Variants in LRP1B observed in about 807,000 individuals in gnomAD.
The protein encoded by LRP1B is LDL receptor related protein 1B.
LRP1B carries 217 observed loss-of-function variants against 556.6 expected under a neutral mutation model. The observed-to-expected ratio is 0.39, with a 90% CI of 0.35 to 0.44. The LOEUF (loss-of-function observed/expected upper bound fraction) is 0.44. Ranked by LOEUF, LRP1B falls within the 20% of genes least tolerant of loss-of-function variation. LRP1B has a pLI of 1.00. For synonymous variants in LRP1B, 2,047 were observed against 1,865.8 expected, an observed-to-expected ratio of 1.10 and a Z score of -2.50; for missense variants, 5,053 against 5,620.8, an observed-to-expected ratio of 0.90 and a Z score of 3.23.
At chr2:141,008,024 A>AT (rs1697628792) in intron 14 of LRP1B, among the ~76,000 whole-genome samples, 1 of 151,428 alleles carries the variant, frequency 6.6e-6, no homozygotes, top group Non-Finnish European at 1.5e-5. Flanking sequence ...GACCCAACGT[A>AT]TTTTTGAATT....
intron 43 of LRP1B, among the ~76,000 whole-genome samples, chr2:140,565,990 T>C (rs1681111348): frequency 6.6e-6 from 1 of 152,192 alleles, no homozygotes; most frequent in African/African-American, 2.4e-5. Flanking sequence ...ACGGCTATGC[T>C]TCCCCCAGAG....
rs184558510 is a variant in LRP1B at position 141,271,292 on chromosome 2, T to C, written c.344-16651A>G. Among the ~76,000 whole-genome samples, 10 of 139,832 alleles carry C rather than the reference T, an allele frequency of 7.2e-5. No individual in the cohort carries two copies. In the East Asian group the frequency reaches 2.1e-3, roughly 30 times the overall value. The allele number at this position is 139,832 out of a possible 152,430, so 91.7% of individuals were successfully genotyped here. ...TATGCCAACATACACATAATGAGAGTAGCAAAATAATAAGAAGAAAAGAAG... is the reference window on the plus strand; with the variant it reads ...TATGCCAACATACACATAATGAGAGCAGCAAAATAATAAGAAGAAAAGAAG... On this transcript the variant is annotated intron_variant, in intron 3 of 90. Coordinates refer to ENST00000389484, the MANE Select transcript of LRP1B (RefSeq NM_018557.3).
chr2:140,589,865 A>C (rs554582101), intron 43 of LRP1B, among the ~76,000 whole-genome samples: 29 of 152,274 alleles, frequency 1.9e-4, no homozygotes, highest in African/African-American at 6.5e-4. Context: ...AAAGAAGGGA[A>C]GTGTGCACAG....
At chr2:140,826,983 G>A (rs1314551965) in intron 31 of LRP1B, among the ~76,000 whole-genome samples, 1 of 152,082 alleles carries the variant, frequency 6.6e-6, no homozygotes, top group Non-Finnish European at 1.5e-5. Context: ...CAGAGCCAAG[G>A]TATCCTCGTT....
intron 86 of LRP1B, among the ~76,000 whole-genome samples, chr2:140,256,271 C>T (rs1375196015): frequency 6.6e-6 from 1 of 151,846 alleles, no homozygotes; most frequent in African/African-American, 2.4e-5. Context: ...CACCTCGTTT[C>T]AGATTACTCA....
At chr2:141,880,715 G>C (rs527516303) in intron 1 of LRP1B, among the ~76,000 whole-genome samples, 109 of 152,050 alleles carry the variant, frequency 7.2e-4, no homozygotes, top group African/African-American at 2.5e-3. Flanking sequence ...TTGGAAAAAA[G>C]TATCAATAAT....
intron 2 of LRP1B, among the ~76,000 whole-genome samples, chr2:141,552,797 G>T (rs1047258111): frequency 2.0e-5 from 3 of 151,910 alleles, no homozygotes; most frequent in Admixed American, 2.0e-4. Flanking sequence ...ATTCTACTGG[G>T]ATTATTGGGG....
intron 2 of LRP1B, among the ~76,000 whole-genome samples, chr2:141,756,963 G>A (rs1468617877): frequency 6.6e-6 from 1 of 151,950 alleles, no homozygotes; most frequent in African/African-American, 2.4e-5. Context: ...ATACACATAT[G>A]CAAATACACA....
intron 3 of LRP1B, among the ~76,000 whole-genome samples, chr2:141,461,048 G>A (rs1486104247): frequency 6.6e-6 from 1 of 150,918 alleles, no homozygotes. Context: ...AAAAAAAAAT[G>A]AGAGTCATTG....
At chr2:141,477,413 G>A (rs1682754835) in intron 3 of LRP1B, among the ~76,000 whole-genome samples, 1 of 152,044 alleles carries the variant, frequency 6.6e-6, no homozygotes, top group African/African-American at 2.4e-5. Flanking sequence ...GACTTGATGG[G>A]GCTGGTTCCT....
chr2:141,810,185 G>GAAAGAAAGA, intron 2 of LRP1B, 94 bp downstream of exon 2: 22 of 1,002,352 alleles, frequency 2.2e-5, no homozygotes, highest in South Asian at 1.6e-4. Context: ...AAGAAAGAAA[G>GAAAGAAAGA]AATCATCTAG....
chr2:141,639,349 T>TATATAAACACACAC, intron 2 of LRP1B, among the ~76,000 whole-genome samples: 1 of 56,100 alleles, frequency 1.8e-5, no homozygotes, highest in East Asian at 8.5e-4. Flanking sequence ...TATATATATA[T>TATATAAACACACAC]ACACACACAC....
chr2:141,176,635 G>A (rs1680748884), intron 7 of LRP1B, among the ~76,000 whole-genome samples: 1 of 151,698 alleles, frequency 6.6e-6, no homozygotes, highest in Non-Finnish European at 1.5e-5. Context: ...AGTAGTGTGA[G>A]AACAGATTAA....
chr2:141,752,919 G>A (rs571494299), intron 2 of LRP1B, among the ~76,000 whole-genome samples: 5 of 106,062 alleles, frequency 4.7e-5, no homozygotes, highest in East Asian at 3.1e-4. Flanking sequence ...ACTCCAGCCT[G>A]GGTGACAGAC....
intron 2 of LRP1B, among the ~76,000 whole-genome samples, chr2:141,614,450 G>A (rs1482561075): frequency 6.6e-6 from 1 of 152,132 alleles, no homozygotes; most frequent in Non-Finnish European, 1.5e-5. Flanking sequence ...TCCTAATCCT[G>A]CCTGGTACCT....
chr2:140,614,506 T>C (rs1251402408), intron 41 of LRP1B, among the ~76,000 whole-genome samples: 1 of 152,026 alleles, frequency 6.6e-6, no homozygotes, highest in Admixed American at 6.6e-5. Context: ...CAGGGAAAAA[T>C]AGATTGAATA....
rs563492475 is a variant in LRP1B at position 141,451,373 on chromosome 2, A to G, written c.343+29023T>C. Among the ~76,000 whole-genome samples the G allele has an allele frequency of 3.9e-5, 6 of 152,342 alleles. No homozygotes were observed. The East Asian group carries it at 1.2e-3, about 29-fold the overall frequency. On this transcript the variant is annotated intron_variant, in intron 3 of 90. Coordinates refer to ENST00000389484, the MANE Select transcript of LRP1B (RefSeq NM_018557.3). ...TTGAAAAAGACTGTTTTCACTTAGA[A>G]CAGAGACTGATTATTTAAATTACAA... is the stretch of plus-strand genomic sequence containing the variant.
intron 43 of LRP1B, among the ~76,000 whole-genome samples, chr2:140,555,224 G>GA (rs11419084): frequency 0.54 from 77,497 of 144,582 alleles, 20,486 homozygotes; most frequent in South Asian, 0.71. Flanking sequence ...AGACGCTCAG[G>GA]AAAAAAAAAA....
chr2:141,562,113 A>G (rs1465069388), intron 2 of LRP1B, among the ~76,000 whole-genome samples: 3 of 151,926 alleles, frequency 2.0e-5, no homozygotes, highest in Non-Finnish European at 4.4e-5. Flanking sequence ...CACTTTTAAC[A>G]TTGGGTCAAA....
Sources: allele counts gnomAD v4.1 joint callset (sites outside exome capture counted in the v4.1 genomes callset), GRCh38; gene constraint gnomAD v4.1.1; transcripts MANE v1.5; gene names NCBI Gene and HGNC (gene_info 2026-07-23, HGNC 2026-07-21).